The following MAPKAP1 variants were observed in gnomAD, a reference collection of about 807,000 sequenced individuals.
MAPKAP1 encodes target of rapamycin complex 2 subunit MAPKAP1.
A neutral mutation model predicts 65.7 loss-of-function variants in MAPKAP1; 20 were observed. The ratio of observed to expected loss-of-function variants is 0.30; its 90% CI spans 0.21 to 0.44. The LOEUF (loss-of-function observed/expected upper bound fraction) is 0.44, where lower values mean the gene tolerates loss of function less well. Ranked by LOEUF, MAPKAP1 falls within the 20% of genes least tolerant of loss-of-function variation. MAPKAP1 has a pLI of 1.00. For missense variants in MAPKAP1, 423 were observed against 648.0 expected, an observed-to-expected ratio of 0.65 and a Z score of 3.77; for synonymous variants, 222 against 244.3, an observed-to-expected ratio of 0.91 and a Z score of 0.85.
At chr9:125,446,206 A>G (rs551750950) in intron 10 of MAPKAP1, among the ~76,000 whole-genome samples, 1 of 152,286 alleles carries the variant, frequency 6.6e-6, no homozygotes, top group South Asian at 2.1e-4. Flanking sequence ...TATGTTGTAC[A>G]TTTGTGGCCA....
chr9:125,588,051 G>A (rs980746740), intron 4 of MAPKAP1, among the ~76,000 whole-genome samples: 3 of 152,150 alleles, frequency 2.0e-5, no homozygotes, highest in African/African-American at 4.8e-5. Flanking sequence ...ATGACCAAGC[G>A]ATTCCATTCC....
chr9:125,618,148 C>A (rs776043958), intron 4 of MAPKAP1, among the ~76,000 whole-genome samples: 5 of 151,750 alleles, frequency 3.3e-5, no homozygotes, highest in Non-Finnish European at 5.9e-5. Context: ...TCGAGACCAG[C>A]GTGGCCTACA....
intron 4 of MAPKAP1, among the ~76,000 whole-genome samples, chr9:125,641,101 G>A (rs1378499775): frequency 6.6e-6 from 1 of 152,142 alleles, no homozygotes; most frequent in Non-Finnish European, 1.5e-5. Flanking sequence ...GTGTATATTA[G>A]ATGCTGTGTA....
chr9:125,668,799 C>CA (rs1181205109), intron 3 of MAPKAP1, among the ~76,000 whole-genome samples: 1 of 152,030 alleles, frequency 6.6e-6, no homozygotes, highest in Non-Finnish European at 1.5e-5. Flanking sequence ...TGCATATATG[C>CA]AAAAAAGACT....
chr9:125,542,377 TAA>T (rs1278098932), intron 7 of MAPKAP1, among the ~76,000 whole-genome samples: 1 of 152,224 alleles, frequency 6.6e-6, no homozygotes, highest in Admixed American at 6.5e-5. Context: ...TTTACAGAGC[TAA>T]GATATTCAAC....
intron 6 of MAPKAP1, among the ~76,000 whole-genome samples, chr9:125,546,015 A>G (rs570917796): frequency 6.6e-6 from 1 of 152,354 alleles, no homozygotes; most frequent in Admixed American, 6.5e-5. Flanking sequence ...ATGTCTGTGC[A>G]GTCAGGAATG....
At chr9:125,597,787 G>A (rs1432137531) in intron 4 of MAPKAP1, among the ~76,000 whole-genome samples, 1 of 152,158 alleles carries the variant, frequency 6.6e-6, no homozygotes, top group Non-Finnish European at 1.5e-5. Context: ...GTTATTTGCA[G>A]CCTTCAAAAG....
At chr9:125,520,972 C>T (rs1829599986) in intron 7 of MAPKAP1, among the ~76,000 whole-genome samples, 1 of 152,192 alleles carries the variant, frequency 6.6e-6, no homozygotes, top group South Asian at 2.1e-4. Flanking sequence ...TTACCCAGGT[C>T]CATCTTCAGT....
In MAPKAP1 at chr9:125,626,947, TATC is replaced by T. The variant is rs557747871; in HGVS notation, c.498+30701_498+30703del. ...AGTACAATCTTATAAAAGAAGATACTATCATCATATCCTTTTCACAGATGAGAA... is the reference window on the plus strand; with the variant it reads ...AGTACAATCTTATAAAAGAAGATACTATCATATCCTTTTCACAGATGAGAA... On this transcript the variant is annotated intron_variant, in intron 4 of 11. Coordinates refer to ENST00000265960, the MANE Select transcript of MAPKAP1 (RefSeq NM_001006617.3). Among the ~76,000 whole-genome samples the T allele has an allele frequency of 2.6e-5, 4 of 152,360 alleles. No individual in the cohort carries two copies. In the South Asian group the frequency reaches 6.2e-4, roughly 24 times the overall value.
At position 125,484,444 on chromosome 9, in the gene MAPKAP1, T is replaced by C. The variant is rs1307018569; in HGVS notation, c.1206A>G (p.Leu402=). 1 of 1,609,258 alleles carries C rather than the reference T, an allele frequency of 6.2e-7. No homozygotes were observed. The highest frequency in any genetic ancestry group is 1.1e-5 in the South Asian group (1 of 89,614). ...CTCATCACCTGCTCACACACTTACC[T>C]AGCTGTACGTCGGTTGTGAATCGCA... is the stretch of plus-strand genomic sequence containing the variant. ...HRLRFTTDVQ[L]GISGDKVEID... is the part of the protein sequence containing the mutation. Residue 402 remains leucine, a splice_region_variant and synonymous_variant, in exon 9 of 12, where the codon CTA becomes CTG. Coordinates refer to ENST00000265960, the MANE Select transcript of MAPKAP1 (RefSeq NM_001006617.3).
At chr9:125,443,142 C>T (rs1852557270) in intron 11 of MAPKAP1, among the ~76,000 whole-genome samples, 1 of 152,254 alleles carries the variant, frequency 6.6e-6, no homozygotes, top group South Asian at 2.1e-4. Context: ...AGGTCCTGCA[C>T]TGTGCAGTCC....
chr9:125,489,190 A>T (rs895349927), intron 8 of MAPKAP1, among the ~76,000 whole-genome samples: 1 of 152,226 alleles, frequency 6.6e-6, no homozygotes, highest in Non-Finnish European at 1.5e-5. Flanking sequence ...GAAAAAACAA[A>T]AACTACTCCC....
chr9:125,513,209 G>A (rs1191284052), intron 7 of MAPKAP1: 1 of 152,182 alleles, frequency 6.6e-6, no homozygotes, highest in Non-Finnish European at 1.5e-5. Context: ...GCACTCAGTG[G>A]TTTGTGTATT....
chr9:125,680,664 T>C (rs1292819203), intron 1 of MAPKAP1, among the ~76,000 whole-genome samples: 2 of 152,220 alleles, frequency 1.3e-5, no homozygotes, highest in East Asian at 3.8e-4. Context: ...ACAGAAATGA[T>C]TTATCTTATT....
intron 8 of MAPKAP1, among the ~76,000 whole-genome samples, chr9:125,491,179 T>G (rs77321417): frequency 0.02 from 2,997 of 149,364 alleles, 161 homozygotes; most frequent in East Asian, 0.14. Flanking sequence ...TGCGGTGGCT[T>G]ATGAATATAA....
intron 10 of MAPKAP1, among the ~76,000 whole-genome samples, chr9:125,461,483 C>A (rs1344970461): frequency 6.6e-6 from 1 of 152,178 alleles, no homozygotes; most frequent in African/African-American, 2.4e-5. Context: ...AGAGGTGCAT[C>A]CAAATGCAGC....
chr9:125,634,624 C>T (rs139898633), intron 4 of MAPKAP1, among the ~76,000 whole-genome samples: 14 of 152,188 alleles, frequency 9.2e-5, no homozygotes, highest in African/African-American at 2.6e-4. Flanking sequence ...CACAGCTTAA[C>T]GAACCCATTT....
At chr9:125,544,331 C>T (rs1479634337) in intron 6 of MAPKAP1, among the ~76,000 whole-genome samples, 2 of 151,946 alleles carry the variant, frequency 1.3e-5, no homozygotes, top group African/African-American at 2.4e-5. Flanking sequence ...TAAATACAGT[C>T]TATACACTTC....
At chr9:125,557,799 G>T (rs1259768838) in intron 6 of MAPKAP1, among the ~76,000 whole-genome samples, 1 of 151,760 alleles carries the variant, frequency 6.6e-6, no homozygotes, top group Admixed American at 6.6e-5. Context: ...TGCTGTCTCT[G>T]CCTAGATCTC....
Sources: gnomAD v4.1 joint callset for allele counts (sites outside exome capture counted in the v4.1 genomes callset) on GRCh38, gnomAD v4.1.1 for gene constraint, MANE v1.5 for transcripts, NCBI Gene and HGNC (gene_info 2026-07-23, HGNC 2026-07-21) for gene names.